PDZD2: variants seen among roughly 807,000 people sequenced by gnomAD.
PDZD2 encodes PDZ domain containing 2, also known as PDZ domain-containing protein 2.
PDZD2 carries 90 observed loss-of-function variants against 220.7 expected under a neutral mutation model. The ratio of observed to expected loss-of-function variants is 0.41; its 90% CI spans 0.34 to 0.49. The LOEUF is 0.49. PDZD2 is among the 20% of genes least tolerant of loss of function. The probability of loss-of-function intolerance (pLI) is 0.28; values close to 1 mark genes in which losing one functional copy is unlikely to be tolerated. For missense variants in PDZD2, 3,174 were observed against 3,608.5 expected (o/e 0.88, Z 3.08); for synonymous variants, 1,375 against 1,450.5 (o/e 0.95, Z 1.18).
At chr5:31,867,784 A>G (rs1230772009) in intron 2 of PDZD2, among the ~76,000 whole-genome samples, 1 of 149,028 alleles carries the variant, frequency 6.7e-6, no homozygotes, top group Non-Finnish European at 1.5e-5. Flanking sequence ...CACGTGTTAT[A>G]TTCTTCTACA....
intron 2 of PDZD2, among the ~76,000 whole-genome samples, chr5:31,817,402 G>C (rs1755535764): frequency 6.6e-6 from 1 of 151,036 alleles, no homozygotes; most frequent in Non-Finnish European, 1.5e-5. Flanking sequence ...GCTGAGGTGG[G>C]AGGATCCCTT....
intron 2 of PDZD2, among the ~76,000 whole-genome samples, chr5:31,819,250 G>A (rs894767761): frequency 2.0e-5 from 3 of 152,152 alleles, no homozygotes; most frequent in African/African-American, 7.2e-5. Flanking sequence ...ATGTCACTTT[G>A]TCTCTCATTC....
chr5:31,777,132 G>A (rs1288258698), intron 1 of PDZD2, among the ~76,000 whole-genome samples: 1 of 152,192 alleles, frequency 6.6e-6, no homozygotes, highest in African/African-American at 2.4e-5. Flanking sequence ...CCGGGGCTGT[G>A]CACTGGCGCT....
chr5:31,802,969 C>T (rs953231281), intron 2 of PDZD2, among the ~76,000 whole-genome samples: 6 of 149,382 alleles, frequency 4.0e-5, no homozygotes, highest in African/African-American at 4.9e-5. Context: ...ATGGCTGTCA[C>T]GAAGTCTCAG....
At chr5:31,865,394 C>T (rs1237571826) in intron 2 of PDZD2, among the ~76,000 whole-genome samples, 2 of 151,616 alleles carry the variant, frequency 1.3e-5, no homozygotes, top group Non-Finnish European at 2.9e-5. Flanking sequence ...CTCACTGCAG[C>T]CTCGACCTCT....
Position 32,091,142 on chromosome 5 carries a change from A to G in PDZD2, c.7694A>G (p.Gln2565Arg), listed in dbSNP as rs772823366. The G allele has an allele frequency of 1.1e-5, 18 of 1,581,028 alleles. No homozygotes were observed. Among genetic ancestry groups the G allele is most frequent in the South Asian group, 6.8e-5 (6 of 88,650 alleles). Residue 2565 changes from glutamine to arginine, a missense_variant, in exon 20 of 25, where the codon CAG (glutamine) becomes CGG (arginine). Transcript: ENST00000438447. ...SSASDTGEAA[Q>R]DLPFRRSWSV... ...GCCAGTGATACGGGTGAAGCTGCCCAGGATCTGCCTTTTAGAAGAAGCTGG... is the reference window on the plus strand; with the variant it reads ...GCCAGTGATACGGGTGAAGCTGCCCGGGATCTGCCTTTTAGAAGAAGCTGG...
chr5:31,711,602 G>GT (rs1441003181), intron 1 of PDZD2, among the ~76,000 whole-genome samples: 6 of 152,332 alleles, frequency 3.9e-5, no homozygotes, highest in Admixed American at 1.3e-4. Context: ...CAGGGTGGGT[G>GT]TTTGCTGCAG....
intron 1 of PDZD2, among the ~76,000 whole-genome samples, chr5:31,772,447 G>T (rs916571046): frequency 5.3e-5 from 8 of 152,320 alleles, no homozygotes; most frequent in Admixed American, 5.2e-4. Context: ...CCCCTCTGTT[G>T]TTCAGGTGTG....
At chr5:31,900,264 G>T (rs1187240977) in intron 2 of PDZD2, among the ~76,000 whole-genome samples, 1 of 152,194 alleles carries the variant, frequency 6.6e-6, no homozygotes, top group Non-Finnish European at 1.5e-5. Context: ...TCCTGGGGTT[G>T]TGTCAGGCAG....
At chr5:31,751,400 G>A (rs1056171750) in intron 1 of PDZD2, among the ~76,000 whole-genome samples, 10 of 152,262 alleles carry the variant, frequency 6.6e-5, no homozygotes, top group Admixed American at 5.9e-4. Flanking sequence ...ATGGGGGCTT[G>A]TGCTATGATG....
chr5:32,096,299 C>A lies in PDZD2; in HGVS notation c.7846-980C>A, dbSNP rs148614824. ...TCCCCCAAAAGTTCTGCGGGACAGT[C>A]TAGGTTTTGGTTTGAGTGAACTTTG... is the stretch of plus-strand genomic sequence containing the variant. On this transcript the variant is annotated intron_variant, in intron 21 of 24. Transcript: ENST00000438447. Among the ~76,000 whole-genome samples the A allele has an allele frequency of 7.8e-3, 1,187 of 152,046 alleles. 25 individuals carry two copies. Among genetic ancestry groups the A allele is most frequent in the African/African-American group, 0.027 (1,139 of 41,478 alleles).
intron 21 of PDZD2, among the ~76,000 whole-genome samples, chr5:32,093,950 C>T (rs1405503161): frequency 6.6e-6 from 1 of 151,364 alleles, no homozygotes; most frequent in Non-Finnish European, 1.5e-5. Flanking sequence ...TGCATTCCAG[C>T]CTGGGTGACA....
chr5:31,989,416 C>CT (rs1385913596), intron 3 of PDZD2, among the ~76,000 whole-genome samples: 32 of 120,610 alleles, frequency 2.7e-4, no homozygotes, highest in South Asian at 1.2e-3. Context: ...ACCACATTTT[C>CT]TTTTCTTTTT....
intron 1 of PDZD2, among the ~76,000 whole-genome samples, chr5:31,702,965 C>G (rs1036191845): frequency 6.6e-6 from 1 of 152,202 alleles, no homozygotes; most frequent in Non-Finnish European, 1.5e-5. Flanking sequence ...GGGGAGAGGG[C>G]CTGACTGAGG....
At chr5:31,750,170 G>A (rs557295599) in intron 1 of PDZD2, among the ~76,000 whole-genome samples, 4 of 152,210 alleles carry the variant, frequency 2.6e-5, no homozygotes, top group South Asian at 2.1e-4. Flanking sequence ...CATCTCTAGC[G>A]CCTGCCATGC....
At chr5:31,902,785 T>A in intron 2 of PDZD2, among the ~76,000 whole-genome samples, 1 of 151,838 alleles carries the variant, frequency 6.6e-6, no homozygotes, top group East Asian at 2.0e-4. Flanking sequence ...GAGAATCGCT[T>A]GAACCTAGGA....
intron 19 of PDZD2, among the ~76,000 whole-genome samples, chr5:32,086,122 C>T (rs759206010): frequency 6.6e-6 from 1 of 152,102 alleles, no homozygotes; most frequent in Non-Finnish European, 1.5e-5. Context: ...TCGGTGTAGA[C>T]CTGTATCCCA....
chr5:31,836,950 G>A lies in PDZD2; in HGVS notation c.476+37226G>A, dbSNP rs138289717. ...AGAGAATTGTTTAAATCCAGGAGGTGGAGGTTGCAGTGAGCCAAGATCACG... is the reference window on the plus strand; with the variant it reads ...AGAGAATTGTTTAAATCCAGGAGGTAGAGGTTGCAGTGAGCCAAGATCACG... On this transcript the variant is annotated intron_variant, in intron 2 of 24. Coordinates refer to ENST00000438447, the MANE Select transcript of PDZD2 (RefSeq NM_178140.4). Among the ~76,000 whole-genome samples, 158 of 151,992 alleles carry A rather than the reference G, an allele frequency of 1.0e-3. 1 individual carries two copies. The highest frequency in any genetic ancestry group is 3.7e-3 in the African/African-American group (152 of 41,434).
chr5:31,784,579 G>A (rs751473057), intron 1 of PDZD2, among the ~76,000 whole-genome samples: 1 of 152,198 alleles, frequency 6.6e-6, no homozygotes, highest in Non-Finnish European at 1.5e-5. Context: ...GGTGGTCAGT[G>A]CAAAACAGGG....
Sources: allele counts gnomAD v4.1 joint callset (sites outside exome capture counted in the v4.1 genomes callset), GRCh38; gene constraint gnomAD v4.1.1; transcripts MANE v1.5; gene names NCBI Gene and HGNC (gene_info 2026-07-23, HGNC 2026-07-21).